Variants in BCL6 observed in about 807,000 individuals in gnomAD.
The protein encoded by BCL6 is B-cell lymphoma 6 protein.
A neutral mutation model predicts 59.5 loss-of-function variants in BCL6; 7 were observed. The ratio of observed to expected loss-of-function variants is 0.12; its 90% CI spans 0.07 to 0.22. The LOEUF (loss-of-function observed/expected upper bound fraction) is 0.22. Among genes scored for constraint, BCL6 ranks in the 10% least tolerant of loss-of-function variants. The pLI is 1.00. For missense variants in BCL6, 685 were observed against 939.4 expected (o/e 0.73, Z 3.54); for synonymous variants, 339 against 349.7 (o/e 0.97, Z 0.34).
chr3:187,728,473 G>C lies in BCL6; in HGVS notation c.1427C>G (p.Thr476Arg). The part of the protein sequence containing the change: ...SPLYMHPPKC[T>R]SCGSQSPQHA... ...CTGTGGGGACTGAGAGCCGCAGGAC[G>C]TGCACTTCGGGGGGTGCATGTAGAG... Residue 476 changes from threonine (T) to arginine (R), a missense_variant, in exon 6 of 10, where the codon ACG (threonine) becomes AGG (arginine). Thr to Arg is a moderately conservative substitution (Grantham distance 71). Coordinates refer to ENST00000406870, the MANE Select transcript of BCL6 (RefSeq NM_001706.5). 6.2e-7 allele frequency: 1 copy of C among 1,611,830 alleles called. No individual in the cohort carries two copies. Among genetic ancestry groups the C allele is most frequent in the Non-Finnish European group, 8.5e-7 (1 of 1,179,532 alleles).
At chr3:187,732,062 A>G in intron 3 of BCL6, 132 bp from the exon 4 acceptor site, 2 of 741,440 alleles carry the variant, frequency 2.7e-6, no homozygotes, top group Middle Eastern at 3.7e-4. Flanking sequence ...AATAGCTGCT[A>G]TTTATGGAGA....
chr3:187,727,497 AT>A (rs1375742998), intron 6 of BCL6, among the ~76,000 whole-genome samples: 1 of 152,204 alleles, frequency 6.6e-6, no homozygotes, highest in Non-Finnish European at 1.5e-5. Flanking sequence ...CCTTGCACCT[AT>A]TTGGATTTCA....
In BCL6 at chr3:187,725,164, G is replaced by T; in HGVS notation, c.1840-86C>A. 1.3e-6 allele frequency: 2 copies of T among 1,573,868 alleles called. No individual in the cohort carries two copies. Among genetic ancestry groups the T allele is most frequent in the Non-Finnish European group, 1.7e-6 (2 of 1,151,810 alleles). Reference sequence around the variant, plus strand: ...CCTCATTAGCACACAGCCAGTGAGTGGGCCTTTCTCCAGGCCACTCTGCTC... The same window carrying T: ...CCTCATTAGCACACAGCCAGTGAGTTGGCCTTTCTCCAGGCCACTCTGCTC... On this transcript the variant is annotated intron_variant, in intron 8 of 9. Coordinates refer to ENST00000406870, the MANE Select transcript of BCL6 (RefSeq NM_001706.5). The surrounding 1 kb of genome is among the most constrained non-coding windows in gnomAD (Gnocchi z 4.7).
At chr3:187,733,298 A>G (rs1329323308) in intron 3 of BCL6, among the ~76,000 whole-genome samples, 2 of 151,846 alleles carry the variant, frequency 1.3e-5, no homozygotes, top group East Asian at 3.9e-4. Flanking sequence ...GCAGTATATA[A>G]TTTTTCTCCC....
In BCL6 at chr3:187,724,989, C is replaced by T; in HGVS notation, c.1929G>A (p.Gln643=). ...EICGTRFRHL[Q]TLKSHLRIHT... ...GGATTCGCAGGTGGCTCTTCAGAGT[C>T]TGAAGGTGCCGGAAACGGGTGCCAC... Residue 643 remains glutamine (Q), a synonymous_variant, in exon 9 of 10, where the codon CAG becomes CAA. Transcript: ENST00000406870. The T allele has an allele frequency of 6.2e-7, 1 of 1,613,880 alleles. No individual in the cohort carries two copies. The highest frequency in any genetic ancestry group is 8.5e-7 in the Non-Finnish European group (1 of 1,179,954).
chr3:187,743,516 A>G (rs2108481940), intron 1 of BCL6, among the ~76,000 whole-genome samples: 1 of 151,856 alleles, frequency 6.6e-6, no homozygotes, highest in Middle Eastern at 3.4e-3. Context: ...CACAACACAG[A>G]GGGTCTTTTT....
chr3:187,724,847 G>A, intron 9 of BCL6, 94 bp downstream of exon 9: 1 of 1,452,352 alleles, frequency 6.9e-7, no homozygotes, highest in Non-Finnish European at 9.3e-7. Context: ...CAGTTCCACT[G>A]CCTCCCTGCT....
chr3:187,731,805 T>C lies in BCL6; in HGVS notation c.287A>G (p.Asn96Ser). 5.0e-6 allele frequency: 8 copies of C among 1,614,134 alleles called. No homozygotes were observed. Among genetic ancestry groups the C allele is most frequent in the South Asian group, 3.3e-5 (3 of 91,084 alleles). The change falls in exon 4 of 10, where the codon AAT becomes AGT. Residue 96 changes from asparagine to serine, a missense_variant. Coordinates refer to ENST00000406870, the MANE Select transcript of BCL6 (RefSeq NM_001706.5). ...AGCCATGATGTTGCCCTCCCGCAAATTGAGCCGAGATGTGTACATGAAGTC... is the reference window on the plus strand; with the variant it reads ...AGCCATGATGTTGCCCTCCCGCAAACTGAGCCGAGATGTGTACATGAAGTC... ...LLDFMYTSRL[N>S]LREGNIMAVM...
intron 4 of BCL6, 114 bp from the exon 5 acceptor site, chr3:187,730,135 T>A: frequency 7.2e-7 from 1 of 1,396,692 alleles, no homozygotes; most frequent in Non-Finnish European, 9.5e-7. Context: ...TAGACATAGG[T>A]GACGTGGCTC....
chr3:187,744,524 C>T (rs1358377535), intron 1 of BCL6, among the ~76,000 whole-genome samples: 3 of 152,138 alleles, frequency 2.0e-5, no homozygotes, highest in African/African-American at 7.2e-5. Context: ...AAGATCACGG[C>T]TCTGAAAGGA....
At chr3:187,723,553 C>A (rs1718526464) in intron 9 of BCL6, among the ~76,000 whole-genome samples, 1 of 152,128 alleles carries the variant, frequency 6.6e-6, no homozygotes, top group South Asian at 2.1e-4. Context: ...ACAATCTTTG[C>A]AACTTTTCTA....
rs1718658822 is a variant in BCL6, at chr3:187,725,757, G to T, written c.1709-128C>A. On this transcript the variant is annotated intron_variant, in intron 7 of 9. Transcript: ENST00000406870. This position sits in a 1 kb window ranked among gnomAD's most constrained non-coding sequence, Gnocchi z 4.7. ...CACTTGTGTTTTCCTTTCCCTTAGG[G>T]AATGTGAGAGAGAGAATCCAGGGGC... 1 of 1,182,782 alleles carries T rather than the reference G, an allele frequency of 8.5e-7. No individual in the cohort carries two copies. Among genetic ancestry groups the T allele is most frequent in the Non-Finnish European group, 1.2e-6 (1 of 852,322 alleles). The allele number at this position is 1,182,782 out of a possible 1,614,324, so 73.3% of individuals were successfully genotyped here. A position where few individuals can be genotyped will look rare whatever the true frequency, so the allele number is the denominator to read the frequency against.
chr3:187,733,846 C>G, intron 2 of BCL6, 143 bp from the exon 3 acceptor site: 1 of 770,574 alleles, frequency 1.3e-6, no homozygotes, highest in Admixed American at 2.2e-5. Flanking sequence ...AATTCATAGT[C>G]CAACTCTGGC....
At chr3:187,744,982 A>C (rs1576886069) in intron 1 of BCL6, among the ~76,000 whole-genome samples, 7 of 151,660 alleles carry the variant, frequency 4.6e-5, no homozygotes, top group Middle Eastern at 3.4e-3. Flanking sequence ...TCACCCCCCA[A>C]GCACTGTCTC....
At chr3:187,744,627 A>G (rs778740100) in intron 1 of BCL6, among the ~76,000 whole-genome samples, 3 of 152,230 alleles carry the variant, frequency 2.0e-5, no homozygotes, top group African/African-American at 7.2e-5. Flanking sequence ...TTTCCTTCCA[A>G]ATCTCGGTTC....
At position 187,729,376 on chromosome 3, in the gene BCL6, C is replaced by A. The variant is rs745836402; in HGVS notation, c.1029G>T (p.Ser343=). 14 of 1,613,448 alleles carry A rather than the reference C, an allele frequency of 8.7e-6. No individual in the cohort carries two copies. Among genetic ancestry groups the A allele is most frequent in the South Asian group, 1.1e-5 (1 of 91,042 alleles). ...TCTTACTGCTGCAGGACTCTGTGGG[C>A]GAGTTGGGCTGGCAGTCAGATTTCT... The part of the protein sequence containing the change: ...SPQKSDCQPN[S]PTESCSSKNA... The change falls in exon 5 of 10, where the codon TCG becomes TCT. Residue 343 remains serine, a synonymous_variant. Transcript: ENST00000406870. This position sits in a 1 kb window ranked among gnomAD's most constrained non-coding sequence, Gnocchi z 5.6.
intron 1 of BCL6, among the ~76,000 whole-genome samples, chr3:187,744,963 TAGCC>T (rs1711849414): frequency 6.6e-6 from 1 of 152,044 alleles, no homozygotes; most frequent in Admixed American, 6.6e-5. Context: ...GCCCCCAGAC[TAGCC>T]CGAATCACCC....
intron 9 of BCL6, chr3:187,724,479 T>A (rs951118188): frequency 6.5e-6 from 1 of 154,660 alleles, no homozygotes; most frequent in South Asian, 2.0e-4. Flanking sequence ...AATTTTTTCC[T>A]GTAACATCAT....
intron 1 of BCL6, among the ~76,000 whole-genome samples, chr3:187,745,180 T>G (rs148058713): frequency 6.6e-6 from 1 of 152,092 alleles, no homozygotes; most frequent in Non-Finnish European, 1.5e-5. Flanking sequence ...GTGGGACTAA[T>G]CTTCGGCATT....
Sources: allele counts gnomAD v4.1 joint callset (sites outside exome capture counted in the v4.1 genomes callset), GRCh38; gene constraint gnomAD v4.1.1; non-coding constraint Gnocchi (gnomAD v3.1); transcripts MANE v1.5; gene names NCBI Gene and HGNC (gene_info 2026-07-23, HGNC 2026-07-21).